Variants in SV2C observed in about 807,000 individuals in gnomAD.
The protein encoded by SV2C is solute carrier family 22 member B3.
Under a neutral mutation model 79.7 loss-of-function variants are expected in SV2C, and 49 were observed. The observed-to-expected ratio is 0.61, with a 90% CI of 0.49 to 0.78. SV2C has a LOEUF of 0.78. SV2C is among the 30% of genes least tolerant of loss of function. SV2C has a pLI of 0.00. For synonymous variants in SV2C, 334 were observed against 333.2 expected (o/e 1.00, Z -0.03); for missense variants, 833 against 912.9 (o/e 0.91, Z 1.13).
chr5:75,996,763 G>A, the SV2C span, among the ~76,000 whole-genome samples: 69,270 of 148,894 alleles, frequency 0.47, 16,907 homozygotes, highest in Middle Eastern at 0.63. Context: ...ATGGGAGTTC[G>A]CTCATGATTT....
chr5:76,234,722 C>T (rs1481137224), intron 4 of SV2C, among the ~76,000 whole-genome samples: 2 of 152,182 alleles, frequency 1.3e-5, no homozygotes, highest in East Asian at 1.9e-4. Flanking sequence ...TTGATTTGCT[C>T]ATTTTCCCCT....
the SV2C span, among the ~76,000 whole-genome samples, chr5:75,855,273 A>G: frequency 1.3e-5 from 2 of 152,252 alleles, no homozygotes; most frequent in South Asian, 4.1e-4. Flanking sequence ...TTCCTATTAT[A>G]ATGGCATTGG....
intron 4 of SV2C, among the ~76,000 whole-genome samples, chr5:76,254,624 T>C (rs946938858): frequency 6.6e-6 from 1 of 152,214 alleles, no homozygotes; most frequent in Non-Finnish European, 1.5e-5. Flanking sequence ...GAACCATAAT[T>C]CAGATTTCAA....
At chr5:75,894,735 C>T in the SV2C span, among the ~76,000 whole-genome samples, 1 of 151,964 alleles carries the variant, frequency 6.6e-6, no homozygotes, top group Non-Finnish European at 1.5e-5. Context: ...AATCAAAAAG[C>T]TTAAAAGGAA....
intron 1 of SV2C, among the ~76,000 whole-genome samples, chr5:76,122,855 G>T (rs1411953772): frequency 2.0e-5 from 3 of 151,892 alleles, no homozygotes; most frequent in East Asian, 3.9e-4. Context: ...CTAGCAGAAG[G>T]CAAGAAATAA....
At chr5:76,051,426 A>T in the SV2C span, among the ~76,000 whole-genome samples, 3 of 152,200 alleles carry the variant, frequency 2.0e-5, no homozygotes, top group African/African-American at 7.2e-5. Flanking sequence ...CTGTAAATCT[A>T]TTGTAAGTGT....
chr5:76,308,586 T>C (rs1748291860), intron 12 of SV2C, among the ~76,000 whole-genome samples: 1 of 152,212 alleles, frequency 6.6e-6, no homozygotes, highest in Admixed American at 6.5e-5. Context: ...TTCCTGGTCC[T>C]TGGGCTAGAG....
chr5:76,351,941 G>A (rs1356282131), intron 12 of SV2C, among the ~76,000 whole-genome samples: 4 of 152,160 alleles, frequency 2.6e-5, no homozygotes, highest in East Asian at 3.9e-4. Flanking sequence ...TGCTGGACGC[G>A]GTGGCTCACG....
At chr5:76,017,786 T>C in the SV2C span, among the ~76,000 whole-genome samples, 2 of 152,192 alleles carry the variant, frequency 1.3e-5, no homozygotes, top group Non-Finnish European at 2.9e-5. Context: ...ATTGACTTGC[T>C]GCTGTTTCTG....
At chr5:76,033,724 A>G in the SV2C span, among the ~76,000 whole-genome samples, 6 of 152,266 alleles carry the variant, frequency 3.9e-5, no homozygotes, top group East Asian at 7.7e-4. Context: ...TTGACTTGGC[A>G]ATGAGGGCTC....
At chr5:75,937,184 T>C in the SV2C span, among the ~76,000 whole-genome samples, 3 of 152,236 alleles carry the variant, frequency 2.0e-5, no homozygotes, top group Non-Finnish European at 2.9e-5. Flanking sequence ...ATAATTACCT[T>C]CTTCTCATAT....
At chr5:75,866,237 T>G in the SV2C span, among the ~76,000 whole-genome samples, 3 of 152,094 alleles carry the variant, frequency 2.0e-5, no homozygotes, top group Non-Finnish European at 2.9e-5. Context: ...TTTAAAAGAC[T>G]CAATTTGATC....
the SV2C span, among the ~76,000 whole-genome samples, chr5:75,994,108 A>T: frequency 8.5e-5 from 13 of 152,224 alleles, no homozygotes; most frequent in East Asian, 1.9e-3. Context: ...TTTAATTTTA[A>T]TGCCTCAAAT....
At chr5:76,062,323 A>C in the SV2C span, among the ~76,000 whole-genome samples, 1 of 152,066 alleles carries the variant, frequency 6.6e-6, no homozygotes, top group East Asian at 1.9e-4. Context: ...TGCTCTTATA[A>C]AAGGGCTTGA....
chr5:75,902,818 T>C, the SV2C span, among the ~76,000 whole-genome samples: 3 of 152,172 alleles, frequency 2.0e-5, no homozygotes, highest in Admixed American at 2.0e-4. Context: ...GTTAGCATGA[T>C]GAAAAGAGGT....
chr5:76,267,599 C>T (rs947321822), intron 4 of SV2C, among the ~76,000 whole-genome samples: 2 of 152,160 alleles, frequency 1.3e-5, no homozygotes, highest in African/African-American at 4.8e-5. Flanking sequence ...ATATTATAAA[C>T]AAATATGTAG....
intron 1 of SV2C, among the ~76,000 whole-genome samples, chr5:76,123,612 A>G (rs552944914): frequency 7.2e-5 from 11 of 152,346 alleles, no homozygotes; most frequent in African/African-American, 1.9e-4. Flanking sequence ...TATAAACAGA[A>G]CCACAGACAA....
chr5:76,215,953 G>C (rs1403670778), intron 4 of SV2C, among the ~76,000 whole-genome samples: 1 of 151,278 alleles, frequency 6.6e-6, no homozygotes, highest in Non-Finnish European at 1.5e-5. Context: ...GATGCTGTGA[G>C]ACTGGAATTC....
chr5:75,900,622 T>C, the SV2C span, among the ~76,000 whole-genome samples: 3 of 152,188 alleles, frequency 2.0e-5, no homozygotes, highest in Non-Finnish European at 2.9e-5. Context: ...CCTTGCTAGA[T>C]TGGGGAAGTT....
Sources: allele counts gnomAD v4.1 joint callset (sites outside exome capture counted in the v4.1 genomes callset), GRCh38; gene constraint gnomAD v4.1.1; transcripts MANE v1.5; gene names NCBI Gene and HGNC (gene_info 2026-07-23, HGNC 2026-07-21).